Variants in NCK2 observed in about 807,000 individuals in gnomAD.
NCK2 encodes the protein cytoplasmic protein NCK2.
In NCK2, 16 loss-of-function variants were observed where a neutral mutation model predicts 33.9. That is an observed-to-expected ratio of 0.47 (90% CI 0.32 to 0.72). NCK2 has a LOEUF of 0.72. NCK2 is among the 30% of genes least tolerant of loss of function. The probability of loss-of-function intolerance (pLI) is 0.03; values close to 1 mark genes in which losing one functional copy is unlikely to be tolerated. For missense variants in NCK2, 418 were observed against 537.3 expected (o/e 0.78, Z 2.19); for synonymous variants, 273 against 239.9 (o/e 1.14, Z -1.27).
chr2:105,843,461 A>G (rs2104555730), intron 2 of NCK2, among the ~76,000 whole-genome samples: 1 of 151,878 alleles, frequency 6.6e-6, no homozygotes, highest in South Asian at 2.1e-4. Flanking sequence ...TAAAAAGTGG[A>G]CTACAGGTAC....
intron 2 of NCK2, among the ~76,000 whole-genome samples, chr2:105,849,425 T>G (rs1219451898): frequency 6.6e-6 from 1 of 152,138 alleles, no homozygotes; most frequent in Admixed American, 6.5e-5. Context: ...GACTCTGGTC[T>G]TCTCTGTGGC....
chr2:105,790,876 G>T (rs1157302255), intron 1 of NCK2, among the ~76,000 whole-genome samples: 3 of 152,204 alleles, frequency 2.0e-5, no homozygotes, highest in African/African-American at 7.2e-5. Context: ...TCAGCCCGAG[G>T]CAAGGGAGGA....
chr2:105,759,157 G>C (rs1229395013), intron 1 of NCK2, among the ~76,000 whole-genome samples: 2 of 152,152 alleles, frequency 1.3e-5, no homozygotes, highest in African/African-American at 2.4e-5. Context: ...CCTGGTTCTT[G>C]GGCCTTCAGA....
chr2:105,882,124 C>T, intron 4 of NCK2, 75 bp downstream of exon 4: 4 of 1,388,238 alleles, frequency 2.9e-6, no homozygotes, highest in Non-Finnish European at 3.7e-6. Flanking sequence ...GTGCCGCGCC[C>T]TTTTCACATT....
At chr2:105,883,606 C>T (rs1195489407) in intron 4 of NCK2, among the ~76,000 whole-genome samples, 1 of 152,076 alleles carries the variant, frequency 6.6e-6, no homozygotes, top group Non-Finnish European at 1.5e-5. Context: ...TAGGGAGGAC[C>T]TATGGCTTTT....
chr2:105,830,387 A>G lies in NCK2; in HGVS notation c.-17+13774A>G, dbSNP rs1448025048. On this transcript the variant is annotated intron_variant, in intron 2 of 4. Transcript: ENST00000233154. The stretch of plus-strand genomic sequence containing the variant: ...ATTATCCAGGCTTATCCATGTTGCC[A>G]TGAGTGACAAGTGACAGAATTTTAT... Among the ~76,000 whole-genome samples, 4 of 152,176 alleles carry G rather than the reference A, an allele frequency of 2.6e-5. No individual in the cohort carries two copies. The East Asian group carries it at 5.8e-4, about 22-fold the overall frequency.
intron 2 of NCK2, among the ~76,000 whole-genome samples, chr2:105,842,563 T>C (rs1676688391): frequency 6.6e-6 from 1 of 152,190 alleles, no homozygotes; most frequent in Non-Finnish European, 1.5e-5. Flanking sequence ...GTTGTTTAAA[T>C]TTCCCCTTGG....
At chr2:105,834,069 T>A (rs543835150) in intron 2 of NCK2, among the ~76,000 whole-genome samples, 4 of 152,376 alleles carry the variant, frequency 2.6e-5, no homozygotes, top group African/African-American at 9.6e-5. Flanking sequence ...ATACTGTAAA[T>A]CCTAGAGAAT....
At position 105,828,489 on chromosome 2, in the gene NCK2, G is replaced by C. The variant is rs148089094; in HGVS notation, c.-17+11876G>C. 1.2e-4 allele frequency among the ~76,000 whole-genome samples: 18 copies of C among 152,278 alleles called. No homozygotes were observed. In the East Asian group the frequency reaches 3.5e-3, roughly 29 times the overall value. ...CACTCACCCACCGCAGATCAGTGTG[G>C]AGTGCAGAATTTAAGCATGTGATAG... On this transcript the variant is annotated intron_variant, in intron 2 of 4. Coordinates refer to ENST00000233154, the MANE Select transcript of NCK2 (RefSeq NM_003581.5).
intron 2 of NCK2, among the ~76,000 whole-genome samples, chr2:105,828,105 T>C (rs574439158): frequency 6.6e-6 from 1 of 152,322 alleles, no homozygotes; most frequent in East Asian, 1.9e-4. Flanking sequence ...TTAAACTTTT[T>C]TAAAAAGAAA....
chr2:105,886,923 AATGAG>A (rs1159107871), intron 4 of NCK2, among the ~76,000 whole-genome samples: 1 of 152,254 alleles, frequency 6.6e-6, no homozygotes, highest in African/African-American at 2.4e-5. Flanking sequence ...TTCCAAAGTT[AATGAG>A]ATGAATATTT....
chr2:105,768,587 C>A (rs1348980476), intron 1 of NCK2, among the ~76,000 whole-genome samples: 1 of 152,228 alleles, frequency 6.6e-6, no homozygotes, highest in Non-Finnish European at 1.5e-5. Context: ...TCCTATAAAG[C>A]TAGGTTGTCC....
At chr2:105,752,222 T>A (rs1689476047) in intron 1 of NCK2, among the ~76,000 whole-genome samples, 1 of 152,162 alleles carries the variant, frequency 6.6e-6, no homozygotes, top group South Asian at 2.1e-4. Context: ...TTTTCCAAAG[T>A]TGAGATAGCT....
chr2:105,842,906 T>A (rs898394842), intron 2 of NCK2, among the ~76,000 whole-genome samples: 1 of 152,026 alleles, frequency 6.6e-6, no homozygotes, highest in South Asian at 2.1e-4. Flanking sequence ...GGGGGGGTTC[T>A]TACTGCTTGC....
intron 1 of NCK2, among the ~76,000 whole-genome samples, chr2:105,764,688 A>G (rs900982949): frequency 1.3e-5 from 2 of 152,238 alleles, no homozygotes; most frequent in Non-Finnish European, 2.9e-5. Context: ...ACTTTTAAAG[A>G]TAGAGATAAT....
intron 2 of NCK2, among the ~76,000 whole-genome samples, chr2:105,826,804 G>A (rs1573165093): frequency 6.6e-6 from 1 of 150,790 alleles, no homozygotes; most frequent in South Asian, 2.1e-4. Flanking sequence ...TTATATATGT[G>A]TATATATATA....
At chr2:105,786,869 C>G (rs1272276422) in intron 1 of NCK2, among the ~76,000 whole-genome samples, 1 of 69,828 alleles carries the variant, frequency 1.4e-5, no homozygotes, top group Non-Finnish European at 2.7e-5. Flanking sequence ...CTTAGGCTGA[C>G]TCCCTTACCT....
intron 1 of NCK2, among the ~76,000 whole-genome samples, chr2:105,783,512 G>C (rs1261813722): frequency 1.3e-5 from 2 of 152,176 alleles, no homozygotes; most frequent in African/African-American, 4.8e-5. Context: ...CTTGTGGGAA[G>C]CTTCGTACAC....
chr2:105,823,333 G>A (rs1442188425), intron 2 of NCK2, among the ~76,000 whole-genome samples: 1 of 151,956 alleles, frequency 6.6e-6, no homozygotes, highest in East Asian at 1.9e-4. Context: ...AGTTGGGCGT[G>A]TCTGGTGGAG....
Sources: allele counts gnomAD v4.1 joint callset (sites outside exome capture counted in the v4.1 genomes callset), GRCh38; gene constraint gnomAD v4.1.1; transcripts MANE v1.5; gene names NCBI Gene and HGNC (gene_info 2026-07-23, HGNC 2026-07-21).